OR3A2: variants seen among roughly 807,000 people sequenced by gnomAD.
The protein encoded by OR3A2 is olfactory receptor family 3 subfamily A member 2, also known as olfactory receptor 3A2.
For missense variants in OR3A2, 318 were observed against 392.8 expected, an observed-to-expected ratio of 0.81 and a Z score of 1.61; for synonymous variants, 126 against 159.3, an observed-to-expected ratio of 0.79 and a Z score of 1.57.
At chr17:3,287,711 T>A (rs1453134214), upstream of OR3A2, among the ~76,000 whole-genome samples, 5 of 152,180 alleles carry the variant, frequency 3.3e-5, no homozygotes, top group Admixed American at 1.3e-4. Flanking sequence ...TCATTTCCCA[T>A]GTTTGATAGG....
chr17:3,306,731 A>G (rs2049003548), intron 3 of OR3A2, among the ~76,000 whole-genome samples: 1 of 151,048 alleles, frequency 6.6e-6, no homozygotes, highest in African/African-American at 2.5e-5. Context: ...TTAAAATCAA[A>G]TAGAAAACAA....
At chr17:3,285,344 T>C (rs2048801835), upstream of OR3A2, among the ~76,000 whole-genome samples, 1 of 152,144 alleles carries the variant, frequency 6.6e-6, no homozygotes, top group African/African-American at 2.4e-5. Flanking sequence ...TGGTTTGACT[T>C]TGTACAAGCT....
chr17:3,357,159 C>T (rs1455238921), intron 2 of OR3A2, among the ~76,000 whole-genome samples: 3 of 151,732 alleles, frequency 2.0e-5, no homozygotes, highest in Non-Finnish European at 2.9e-5. Context: ...TGCCTGTTTG[C>T]ATAGGTGGTA....
chr17:3,322,040 T>C (rs1208974136), intron 3 of OR3A2, among the ~76,000 whole-genome samples: 1 of 152,194 alleles, frequency 6.6e-6, no homozygotes, highest in Admixed American at 6.5e-5. Flanking sequence ...AGCTATTGAT[T>C]ATTGCCACAA....
chr17:3,364,632 GA>G (rs1274723477), intron 2 of OR3A2, among the ~76,000 whole-genome samples: 2 of 152,118 alleles, frequency 1.3e-5, no homozygotes. Flanking sequence ...AGGATATGGA[GA>G]AAAAGGAACC....
chr17:3,377,486 G>GT (rs1318513787), intron 2 of OR3A2: 1 of 152,162 alleles, frequency 6.6e-6, no homozygotes, highest in Non-Finnish European at 1.5e-5. Context: ...CACTGAGACT[G>GT]TAAGTGGAAG....
At chr17:3,303,868 G>A (rs1293659475) in intron 3 of OR3A2, among the ~76,000 whole-genome samples, 7 of 149,764 alleles carry the variant, frequency 4.7e-5, no homozygotes, top group African/African-American at 1.7e-4. Flanking sequence ...CTCCAGCCTG[G>A]GCGATAGAGT....
chr17:3,313,384 T>C (rs1029085470), intron 3 of OR3A2, among the ~76,000 whole-genome samples: 9 of 152,216 alleles, frequency 5.9e-5, no homozygotes, highest in Admixed American at 2.0e-4. Flanking sequence ...TCTTACACCA[T>C]TGTCCTCTGG....
chr17:3,342,037 T>C (rs2049323325), intron 2 of OR3A2, among the ~76,000 whole-genome samples: 1 of 152,222 alleles, frequency 6.6e-6, no homozygotes, highest in Non-Finnish European at 1.5e-5. Flanking sequence ...CTAATACTCT[T>C]TCTTCCACTT....
chr17:3,344,373 C>T (rs1185098513), intron 2 of OR3A2, among the ~76,000 whole-genome samples: 2 of 152,096 alleles, frequency 1.3e-5, no homozygotes, highest in African/African-American at 2.4e-5. Flanking sequence ...CCTGCATCTG[C>T]CAACCACAAA....
At chr17:3,351,094 G>A (rs1204795560) in intron 2 of OR3A2, among the ~76,000 whole-genome samples, 124 of 151,390 alleles carry the variant, frequency 8.2e-4, no homozygotes, top group Non-Finnish European at 1.5e-3. Context: ...ATGGGCAAAA[G>A]CTGGAAGCAT....
chr17:3,375,119 G>A (rs1426277760), intron 2 of OR3A2, among the ~76,000 whole-genome samples: 1 of 84,314 alleles, frequency 1.2e-5, no homozygotes, highest in Non-Finnish European at 2.3e-5. Flanking sequence ...TTCTTTATCT[G>A]GCAATTCAGA....
chr17:3,354,679 C>T (rs182224873), intron 2 of OR3A2, among the ~76,000 whole-genome samples: 3 of 151,166 alleles, frequency 2.0e-5, no homozygotes, highest in Non-Finnish European at 3.0e-5. Flanking sequence ...AAGGTTTGGC[C>T]ATATTGTTTA....
chr17:3,288,246 C>CAAAAAAAAAAAAAAAAAAAAGAAAA, upstream of OR3A2, among the ~76,000 whole-genome samples: 7 of 73,468 alleles, frequency 9.5e-5, no homozygotes, highest in East Asian at 5.8e-4. Context: ...ACCAAAAGGG[C>CAAAAAAAAAAAAAAAAAAAAGAAAA]AAAAAAAAAA....
chr17:3,334,714 C>T (rs79122740), intron 3 of OR3A2, among the ~76,000 whole-genome samples: 13,112 of 152,190 alleles, frequency 0.086, 1,080 homozygotes, highest in East Asian at 0.49. Context: ...GAATTGACAG[C>T]CTTACAATAT....
At chr17:3,375,741 A>T (rs1264976854) in intron 2 of OR3A2, among the ~76,000 whole-genome samples, 1 of 152,068 alleles carries the variant, frequency 6.6e-6, no homozygotes, top group African/African-American at 2.4e-5. Flanking sequence ...TTAGTGGAAA[A>T]ATCTGGAACT....
intron 2 of OR3A2, among the ~76,000 whole-genome samples, chr17:3,346,636 T>C (rs1249288465): frequency 1.3e-5 from 2 of 151,974 alleles, no homozygotes; most frequent in Non-Finnish European, 2.9e-5. Flanking sequence ...TCTTATTCAC[T>C]CTTTCCATGG....
At chr17:3,278,443 C>T (rs2048755716) in exon 2 of OR3A2, 4 of 1,614,166 alleles carry the variant, frequency 2.5e-6, no homozygotes, top group East Asian at 4.5e-5. Context: ...TGGGTCAGTG[C>T]GTTGGTGAAG....
intron 3 of OR3A2, among the ~76,000 whole-genome samples, chr17:3,305,876 C>T (rs1040434102): frequency 9.9e-5 from 15 of 152,098 alleles, no homozygotes; most frequent in African/African-American, 3.4e-4. Flanking sequence ...TGCCTTCCTT[C>T]TTTATGAGCT....
Sources: gnomAD v4.1 joint callset for allele counts (sites outside exome capture counted in the v4.1 genomes callset) on GRCh38, gnomAD v4.1.1 for gene constraint, MANE v1.5 for transcripts, NCBI Gene and HGNC (gene_info 2026-07-23, HGNC 2026-07-21) for gene names.